Variants in FAM170A observed in about 807,000 individuals in gnomAD.
FAM170A encodes protein FAM170A.
Under a neutral mutation model 36.6 loss-of-function variants are expected in FAM170A, and 28 were observed. The ratio of observed to expected loss-of-function variants is 0.76; its 90% CI spans 0.57 to 1.05. The LOEUF is 1.05. Among genes scored for constraint, FAM170A ranks in the 50% least tolerant of loss-of-function variants. The probability of loss-of-function intolerance (pLI) is 0.00; values close to 1 mark genes in which losing one functional copy is unlikely to be tolerated. For missense variants in FAM170A, 434 were observed against 396.5 expected, an observed-to-expected ratio of 1.09 and a Z score of -0.80; for synonymous variants, 156 against 143.9, an observed-to-expected ratio of 1.08 and a Z score of -0.60.
At chr5:119,634,981 G>A in intron 3 of FAM170A, 47 bp from the exon 4 acceptor site, 2 of 1,611,688 alleles carry the variant, frequency 1.2e-6, no homozygotes, top group African/African-American at 1.3e-5. Context: ...AATTTCAAAA[G>A]TCGCATTAAC....
chr5:119,634,063 GTCCTATTCA>G (rs762401819), exon 3 of FAM170A: 13 of 1,613,922 alleles, frequency 8.1e-6, no homozygotes, highest in Non-Finnish European at 1.1e-5. Flanking sequence ...TCTCCTTGTC[GTCCTATTCA>G]TCCTATAAGA....
intron 4 of FAM170A, 42 bp downstream of exon 4, chr5:119,635,128 G>A (rs1756351592): frequency 7.0e-7 from 1 of 1,425,542 alleles, no homozygotes; most frequent in African/African-American, 1.4e-5. Context: ...TGTGTTGTGA[G>A]GGCCCAGAGG....
chr5:119,634,174 C>G, exon 3 of FAM170A: 1 of 1,614,180 alleles, frequency 6.2e-7, no homozygotes, highest in South Asian at 1.1e-5. Flanking sequence ...TGGCTGTCTC[C>G]TGGGAGACAG....
In FAM170A at chr5:119,630,295, T is replaced by C. The variant is rs1450539763; in HGVS notation, c.70+457T>C. ...TCAGCCTCCCGAGTAGCTGGGACTA[T>C]AGGCGCCCGCCACCACGCCTGGCTA... On this transcript the variant is annotated intron_variant, in intron 1 of 4. Transcript: ENST00000613773. Among the ~76,000 whole-genome samples, 182 of 145,076 alleles carry C rather than the reference T, an allele frequency of 1.3e-3. 1 individual carries two copies. The highest frequency in any genetic ancestry group is 4.4e-3 in the African/African-American group (172 of 39,068).
chr5:119,634,634 G>A (rs1364599316), exon 3 of FAM170A: 10 of 1,610,556 alleles, frequency 6.2e-6, no homozygotes, highest in Non-Finnish European at 8.5e-6. Context: ...GAAACCAGAA[G>A]CAAAGGAGGA....
chr5:119,634,777 C>G, intron 3 of FAM170A, 43 bp downstream of exon 3: 1 of 1,503,478 alleles, frequency 6.7e-7, no homozygotes, highest in South Asian at 1.3e-5. Context: ...GGAGCAATGG[C>G]TTCCCCGAGC....
At chr5:119,635,000 GTCTT>G (rs755038764) in intron 3 of FAM170A, 24 bp from the exon 4 acceptor site, 3 of 1,613,878 alleles carry the variant, frequency 1.9e-6, no homozygotes, top group Non-Finnish European at 2.5e-6. Context: ...ACTAAGAAGT[GTCTT>G]TCTTTGGTTT....
rs754719389 is a variant in FAM170A, at chr5:119,634,539, T to C, written c.791T>C (p.Met264Thr). ...AGCTGCCACGTCTTTCATCTCACCATGGCTCAGCTGACAGGCAACATGGAA... is the reference window on the plus strand; with the variant it reads ...AGCTGCCACGTCTTTCATCTCACCACGGCTCAGCTGACAGGCAACATGGAA... Residue 264 changes from methionine to threonine, a missense_variant, in exon 3 of 5, where the codon ATG becomes ACG. Physicochemically the swap from Met to Thr is moderately conservative, Grantham distance 81. Coordinates refer to ENST00000613773, the Ensembl canonical transcript of FAM170A. The C allele has an allele frequency of 1.4e-5, 23 of 1,613,266 alleles. No individual in the cohort carries two copies. The African/African-American group carries it at 2.4e-4, about 17-fold the overall frequency.
In FAM170A at chr5:119,629,846, C is replaced by A; in HGVS notation, c.70+8C>A. 1.9e-6 allele frequency: 3 copies of A among 1,608,930 alleles called. No individual in the cohort carries two copies. The highest frequency in any genetic ancestry group is 1.3e-5 in the African/African-American group (1 of 74,908). On this transcript the variant is annotated splice_region_variant and intron_variant, in intron 1 of 4. Transcript: ENST00000613773. ...CCGCTGAGAAGGGAGGAGGTATGTGCGGGGCAAACTTTCTGGGGCACAAGC... is the reference window on the plus strand; with the variant it reads ...CCGCTGAGAAGGGAGGAGGTATGTGAGGGGCAAACTTTCTGGGGCACAAGC...
At chr5:119,633,591 AC>A (rs1561524369) in intron 2 of FAM170A, among the ~76,000 whole-genome samples, 1 of 152,056 alleles carries the variant, frequency 6.6e-6, no homozygotes, top group East Asian at 1.9e-4. Context: ...CACTTTCTGC[AC>A]ACACACCACC....
chr5:119,634,041 G>A (rs748840322), exon 3 of FAM170A: 56 of 1,613,948 alleles, frequency 3.5e-5, no homozygotes, highest in Middle Eastern at 1.6e-4. Context: ...ACTCCTCCCC[G>A]CTCACAACAT....
chr5:119,635,469 C>A (rs1465252359), intron 4 of FAM170A, among the ~76,000 whole-genome samples: 1 of 152,098 alleles, frequency 6.6e-6, no homozygotes, highest in East Asian at 1.9e-4. Flanking sequence ...ATAGATATAG[C>A]CCTTGGGGAA....
intron 1 of FAM170A, among the ~76,000 whole-genome samples, chr5:119,630,164 T>TTTCGTTTC (rs1756214266): frequency 7.0e-6 from 1 of 142,064 alleles, no homozygotes; most frequent in African/African-American, 2.7e-5. Context: ...TTTTTTTTTT[T>TTTCGTTTC]TCGTTTCTGA....
Position 119,634,060 on chromosome 5 carries a change from G to T in FAM170A, c.312G>T (p.Leu104Phe), listed in dbSNP as rs199792067. Residue 104 changes from leucine (L) to phenylalanine (F), a missense_variant, in exon 3 of 5, where the codon TTG (leucine) becomes TTT (phenylalanine). By Grantham distance (22) the Leu-to-Phe change is conservative (BLOSUM62 0). Coordinates refer to ENST00000613773, the Ensembl canonical transcript of FAM170A. Reference sequence around the variant, plus strand: ...CTCCCCGCTCACAACATGTCTCCTTGTCGTCCTATTCATCCTATAAGACTT... The same window carrying T: ...CTCCCCGCTCACAACATGTCTCCTTTTCGTCCTATTCATCCTATAAGACTT... The T allele has an allele frequency of 2.9e-4, 461 of 1,613,702 alleles. 1 individual carries two copies. The African/African-American group carries it at 5.5e-3, about 19-fold the overall frequency.
intron 2 of FAM170A, 35 bp from the exon 3 acceptor site, chr5:119,633,925 A>T (rs750018758): frequency 1.9e-6 from 3 of 1,586,476 alleles, no homozygotes; most frequent in East Asian, 2.2e-5. Context: ...AGCATGGCCC[A>T]TGCATCTGCT....
At chr5:119,632,944 C>A (rs1244743269) in intron 2 of FAM170A, 56 bp downstream of exon 2, 8 of 1,506,220 alleles carry the variant, frequency 5.3e-6, no homozygotes, top group Non-Finnish European at 7.2e-6. Context: ...GTTCATTGGG[C>A]ATGAAAATAT....
intron 1 of FAM170A, among the ~76,000 whole-genome samples, chr5:119,631,108 A>T (rs963249275): frequency 2.0e-5 from 3 of 152,222 alleles, no homozygotes; most frequent in Non-Finnish European, 4.4e-5. Flanking sequence ...AGGCTGCATG[A>T]TAATGGCATG....
At chr5:119,630,339 T>G (rs1263791263) in intron 1 of FAM170A, among the ~76,000 whole-genome samples, 12 of 147,816 alleles carry the variant, frequency 8.1e-5, no homozygotes, top group Non-Finnish European at 1.8e-4. Context: ...TTTTTTTTTT[T>G]TTTTTGTATT....
intron 2 of FAM170A, 58 bp downstream of exon 2, chr5:119,632,946 T>G: frequency 6.7e-7 from 1 of 1,500,684 alleles, no homozygotes; most frequent in Non-Finnish European, 9.0e-7. Context: ...TCATTGGGCA[T>G]GAAAATATTT....
Sources: allele counts gnomAD v4.1 joint callset (sites outside exome capture counted in the v4.1 genomes callset), GRCh38; gene constraint gnomAD v4.1.1; transcripts MANE v1.5; gene names NCBI Gene and HGNC (gene_info 2026-07-23, HGNC 2026-07-21).